The following MS4A10 variants were observed in gnomAD, a reference collection of about 807,000 sequenced individuals.
The protein encoded by MS4A10 is membrane spanning 4-domains A10, also known as membrane-spanning 4-domains subfamily A member 10.
In MS4A10, 27 loss-of-function variants were observed where a neutral mutation model predicts 27.7. The ratio of observed to expected loss-of-function variants is 0.98; its 90% CI spans 0.72 to 1.35. The LOEUF (loss-of-function observed/expected upper bound fraction) is 1.35, where lower values mean the gene tolerates loss of function less well. Ranked by LOEUF, MS4A10 falls within the 40% of genes most tolerant of loss-of-function variation. The pLI is 0.00. For synonymous variants in MS4A10, 139 were observed against 131.2 expected, an observed-to-expected ratio of 1.06 and a Z score of -0.41; for missense variants, 338 against 324.7, an observed-to-expected ratio of 1.04 and a Z score of -0.32.
Position 60,800,060 on chromosome 11 carries a change from CG to C in MS4A10, c.*152del. 6 of 1,161,394 alleles carry C rather than the reference CG, an allele frequency of 5.2e-6. No homozygotes were observed. The highest frequency in any genetic ancestry group is 7.3e-6 in the Non-Finnish European group (6 of 818,736). 71.9% of individuals were successfully genotyped at this position (1,161,394 alleles called of 1,614,324 possible). A position where few individuals can be genotyped will look rare whatever the true frequency, so the allele number is the denominator to read the frequency against. On this transcript the variant is annotated 3_prime_UTR_variant, in exon 8 of 8. Coordinates refer to ENST00000308287, the MANE Select transcript of MS4A10 (RefSeq NM_206893.4). ...AGTCAGCCCTCACAGCTCCTGGGAA[CG>C]CTGTCCTCTCAGATAAGCCATTTCT...
At chr11:60,799,773 TCCCA>T in intron 7 of MS4A10, 51 bp from the exon 8 acceptor site, 2 of 815,476 alleles carry the variant, frequency 2.5e-6, no homozygotes, top group Non-Finnish European at 4.2e-6. Context: ...CATTTAATCC[TCCCA>T]TCGATCTGTG....
chr11:60,786,064 A>T (rs1275891423), intron 1 of MS4A10, among the ~76,000 whole-genome samples: 1 of 151,300 alleles, frequency 6.6e-6, no homozygotes, highest in Non-Finnish European at 1.5e-5. Context: ...AAGGCACCCC[A>T]CCCCCAACAC....
chr11:60,790,304 C>G lies in MS4A10; in HGVS notation c.-22-10C>G. 6.2e-7 allele frequency: 1 copy of G among 1,610,620 alleles called. No homozygotes were observed. ...GACGGGTTCTGACGGCCTTCCTCCCCGTCCTGCAGCCAGGGCCCCCATCCA... is the reference window on the plus strand; with the variant it reads ...GACGGGTTCTGACGGCCTTCCTCCCGGTCCTGCAGCCAGGGCCCCCATCCA... On this transcript the variant is annotated splice_polypyrimidine_tract_variant and intron_variant, in intron 1 of 7. Coordinates refer to ENST00000308287, the MANE Select transcript of MS4A10 (RefSeq NM_206893.4).
intron 7 of MS4A10, among the ~76,000 whole-genome samples, chr11:60,799,306 C>T (rs953485642): frequency 2.0e-5 from 3 of 152,148 alleles, no homozygotes; most frequent in African/African-American, 7.2e-5. Context: ...GAGGGACCTG[C>T]CTTCCTCATT....
intron 1 of MS4A10, among the ~76,000 whole-genome samples, chr11:60,785,991 A>T (rs941766353): frequency 5.9e-5 from 9 of 151,996 alleles, no homozygotes; most frequent in Admixed American, 2.0e-4. Flanking sequence ...CACCAGGAGG[A>T]GGCTGGTTCA....
Position 60,800,263 on chromosome 11 carries a change from A to G in MS4A10, c.*354A>G, listed in dbSNP as rs10750943. 0.47 allele frequency: 102,766 copies of G among 220,958 alleles called. 25,457 individuals carry two copies. The highest frequency in any genetic ancestry group is 0.84 in the East Asian group (8,075 of 9,658). The allele number at this position is 220,958 out of a possible 1,614,324, so 13.7% of individuals were successfully genotyped here. ...CCTCCCTGGTTCAAGTGATTCTCCT[A>G]TCTCAGCCTCCCAAGTAGCTGGGAC... is the stretch of plus-strand genomic sequence containing the variant. On this transcript the variant is annotated 3_prime_UTR_variant, in exon 8 of 8. Transcript: ENST00000308287.
At chr11:60,797,685 C>A (rs1854552561) in intron 6 of MS4A10, among the ~76,000 whole-genome samples, 1 of 152,192 alleles carries the variant, frequency 6.6e-6, no homozygotes, top group South Asian at 2.1e-4. Flanking sequence ...CATCTGCAAC[C>A]TTAATTCCTC....
At chr11:60,795,519 G>T in intron 5 of MS4A10, 36 bp from the exon 6 acceptor site, 1 of 1,410,890 alleles carries the variant, frequency 7.1e-7, no homozygotes, top group East Asian at 2.6e-5. Context: ...CACCCAGCGA[G>T]GCCTCACCCT....
intron 1 of MS4A10, among the ~76,000 whole-genome samples, chr11:60,788,380 G>A (rs181598415): frequency 2.9e-4 from 44 of 152,336 alleles, no homozygotes; most frequent in African/African-American, 9.6e-4. Context: ...CACTATCTCC[G>A]TGGACAAGCA....
At chr11:60,795,200 T>C (rs909675701) in intron 5 of MS4A10, among the ~76,000 whole-genome samples, 2 of 152,126 alleles carry the variant, frequency 1.3e-5, no homozygotes, top group African/African-American at 4.8e-5. Flanking sequence ...TAAAACATGC[T>C]CCCTCACTCT....
In MS4A10 at chr11:60,795,661, CA is replaced by C; in HGVS notation, c.602del (p.Lys201ArgfsTer29). On this transcript the variant is annotated frameshift_variant, in exon 6 of 8. Coordinates refer to ENST00000308287, the MANE Select transcript of MS4A10 (RefSeq NM_206893.4). LOFTEE classifies it high-confidence loss of function. Reference protein sequence around the residue: ...VTAWRGDCPSAKNDDACLVPN... With the variant: ...VTAWRGDCPSXKNDDACLVPN... The stretch of plus-strand genomic sequence containing the variant: ...GCCTGGAGAGGGGACTGCCCATCTG[CA>C]AAGGTAAGACAAGGGCTTGTCTTCC... 6.4e-7 allele frequency: 1 copy of C among 1,571,224 alleles called. No individual in the cohort carries two copies. Among genetic ancestry groups the C allele is most frequent in the Admixed American group, 1.8e-5 (1 of 54,534 alleles).
At chr11:60,785,807 C>T (rs1854325619) in intron 1 of MS4A10, among the ~76,000 whole-genome samples, 1 of 152,064 alleles carries the variant, frequency 6.6e-6, no homozygotes, top group Non-Finnish European at 1.5e-5. Context: ...CACAGAGAGA[C>T]CAGTTCAAGA....
At chr11:60,796,575 C>A (rs1236377591) in intron 6 of MS4A10, among the ~76,000 whole-genome samples, 1 of 152,222 alleles carries the variant, frequency 6.6e-6, no homozygotes, top group Non-Finnish European at 1.5e-5. Flanking sequence ...CATCAGCCAT[C>A]ATGCCCAGCC....
intron 6 of MS4A10, among the ~76,000 whole-genome samples, chr11:60,798,085 C>T (rs141424610): frequency 3.9e-5 from 6 of 152,308 alleles, no homozygotes; most frequent in Non-Finnish European, 7.4e-5. Context: ...GGGTCATGGC[C>T]CAGCCCCCCT....
chr11:60,790,166 T>TCAAGAC, intron 1 of MS4A10, 148 bp from the exon 2 acceptor site: 1 of 649,044 alleles, frequency 1.5e-6, no homozygotes, highest in Non-Finnish European at 2.6e-6. Context: ...CCAGGTCAAA[T>TCAAGAC]CAAGACCAAG....
chr11:60,798,275 C>A, intron 6 of MS4A10, 121 bp from the exon 7 acceptor site: 1 of 759,480 alleles, frequency 1.3e-6, no homozygotes, highest in Admixed American at 2.1e-5. Flanking sequence ...TCTCAAGCCT[C>A]AGTTTCCCCA....
chr11:60,790,991 C>G lies in MS4A10; in HGVS notation c.201C>G (p.Ile67Met). The G allele has an allele frequency of 6.2e-7, 1 of 1,614,186 alleles. No homozygotes were observed. The highest frequency in any genetic ancestry group is 8.5e-7 in the Non-Finnish European group (1 of 1,180,018). The stretch of plus-strand genomic sequence containing the variant: ...CCACCCAGGCCTTCCACATCACCAT[C>G]GCTCTGCTGCACCTGGTCTTTGGGG... ...LKELGAFHIT[I>M]ALLHLVFGGY... is the part of the protein sequence containing the mutation. Residue 67 changes from isoleucine (I) to methionine (M), a missense_variant, in exon 3 of 8, where the codon ATC becomes ATG. Coordinates refer to ENST00000308287, the MANE Select transcript of MS4A10 (RefSeq NM_206893.4).
chr11:60,796,000 C>T (rs1591000523), intron 6 of MS4A10, among the ~76,000 whole-genome samples: 1 of 152,266 alleles, frequency 6.6e-6, no homozygotes, highest in East Asian at 1.9e-4. Context: ...TTCGGACCCA[C>T]AGGCATAGGT....
At chr11:60,799,148 G>T (rs747696727) in intron 7 of MS4A10, among the ~76,000 whole-genome samples, 1 of 152,184 alleles carries the variant, frequency 6.6e-6, no homozygotes, top group African/African-American at 2.4e-5. Flanking sequence ...AAGTGGAGGT[G>T]CAAGGATGAC....
Sources: gnomAD v4.1 joint callset for allele counts (sites outside exome capture counted in the v4.1 genomes callset) on GRCh38, gnomAD v4.1.1 for gene constraint, MANE v1.5 for transcripts, NCBI Gene and HGNC (gene_info 2026-07-23, HGNC 2026-07-21) for gene names.